Variants in CAMTA1 observed in about 807,000 individuals in gnomAD.
CAMTA1 encodes the protein calmodulin-binding transcription activator 1.
In CAMTA1, 27 loss-of-function variants were observed where a neutral mutation model predicts 170.9. That is an observed-to-expected ratio of 0.16 (90% CI 0.12 to 0.22). The LOEUF is 0.22. Among genes scored for constraint, CAMTA1 ranks in the 10% least tolerant of loss-of-function variants. CAMTA1 has a pLI of 1.00. For synonymous variants in CAMTA1, 833 were observed against 891.5 expected (o/e 0.93, Z 1.17); for missense variants, 1,619 against 2,217.2 (o/e 0.73, Z 5.42).
At chr1:7,139,994 A>G (rs1645800984) in intron 4 of CAMTA1, among the ~76,000 whole-genome samples, 1 of 152,214 alleles carries the variant, frequency 6.6e-6, no homozygotes, top group Non-Finnish European at 1.5e-5. Flanking sequence ...CTGTGCCTAA[A>G]TGCTTTATGT....
chr1:7,576,384 C>T (rs982029294), intron 6 of CAMTA1, among the ~76,000 whole-genome samples: 1 of 152,166 alleles, frequency 6.6e-6, no homozygotes, highest in African/African-American at 2.4e-5. Flanking sequence ...ATCCTAGCCC[C>T]CACAGTGATG....
intron 3 of CAMTA1, among the ~76,000 whole-genome samples, chr1:7,076,021 A>T (rs1229251582): frequency 6.6e-6 from 1 of 152,154 alleles, no homozygotes; most frequent in East Asian, 1.9e-4. Context: ...TCATAAGCTT[A>T]TTGGAGAGAA....
chr1:7,124,696 A>G (rs1644832952), intron 4 of CAMTA1, among the ~76,000 whole-genome samples: 1 of 152,222 alleles, frequency 6.6e-6, no homozygotes, highest in Non-Finnish European at 1.5e-5. Flanking sequence ...GTTTAGGGTC[A>G]TGGGTCTCGT....
chr1:6,792,486 T>TA (rs1444742874), intron 1 of CAMTA1, among the ~76,000 whole-genome samples: 2 of 152,028 alleles, frequency 1.3e-5, no homozygotes, highest in African/African-American at 2.4e-5. Flanking sequence ...TTTTTTTTTT[T>TA]ACCTCATTAC....
chr1:7,753,004 C>CAA (rs2096908161), intron 21 of CAMTA1, among the ~76,000 whole-genome samples: 1 of 152,228 alleles, frequency 6.6e-6, no homozygotes, highest in African/African-American at 2.4e-5. Flanking sequence ...CTGGTGCCCT[C>CAA]TGCTGGTCAT....
At chr1:7,501,889 G>A (rs2094011377) in intron 6 of CAMTA1, among the ~76,000 whole-genome samples, 1 of 152,148 alleles carries the variant, frequency 6.6e-6, no homozygotes, top group Non-Finnish European at 1.5e-5. Context: ...GGGCTCACAT[G>A]TGCAGTGGGT....
chr1:7,501,264 G>A (rs563373610), intron 6 of CAMTA1, among the ~76,000 whole-genome samples: 4 of 152,290 alleles, frequency 2.6e-5, no homozygotes, highest in South Asian at 2.1e-4. Flanking sequence ...ACAGAAGGGC[G>A]GGAGGCAGAT....
chr1:6,906,974 C>T (rs1678646137), intron 3 of CAMTA1, among the ~76,000 whole-genome samples: 2 of 152,224 alleles, frequency 1.3e-5, no homozygotes, highest in East Asian at 1.9e-4. Context: ...CTCCCATCCC[C>T]CGCGTCCCAG....
At chr1:6,862,252 C>T (rs976619582) in intron 3 of CAMTA1, among the ~76,000 whole-genome samples, 4 of 152,224 alleles carry the variant, frequency 2.6e-5, no homozygotes, top group East Asian at 1.9e-4. Flanking sequence ...GGATTGCAGG[C>T]GTGAGCCACC....
chr1:7,252,128 T>C (rs143861264), intron 5 of CAMTA1, among the ~76,000 whole-genome samples: 42 of 152,320 alleles, frequency 2.8e-4, no homozygotes, highest in African/African-American at 8.9e-4. Flanking sequence ...TTTGGGCACA[T>C]AGGCAACCTG....
Position 7,663,428 on chromosome 1 carries a change from C to G in CAMTA1, c.881C>G (p.Thr294Arg), listed in dbSNP as rs1371675074. 6.4e-7 allele frequency: 1 copy of G among 1,568,628 alleles called. No individual in the cohort carries two copies. Among genetic ancestry groups the G allele is most frequent in the Non-Finnish European group, 8.7e-7 (1 of 1,152,322 alleles). ...ATCTCGCCCAAGGTGGAGCCACGGA[C>G]AGGGGGGTACGGGAGCCACTCGGAG... is the stretch of plus-strand genomic sequence containing the variant. ...RIISPKVEPR[T>R]GGYGSHSEVQ... Residue 294 changes from threonine (T) to arginine (R), a missense_variant, in exon 9 of 23, where the codon ACA (threonine) becomes AGA (arginine). By Grantham distance (71) the Thr-to-Arg change is moderately conservative (BLOSUM62 -1). This residue lies in a region of CAMTA1 where 731 missense variants were observed against 907.6 expected (regional missense o/e 0.81). Coordinates refer to ENST00000303635, the MANE Select transcript of CAMTA1 (RefSeq NM_015215.4).
At chr1:7,228,660 G>A (rs1276719667) in intron 4 of CAMTA1, among the ~76,000 whole-genome samples, 1 of 152,214 alleles carries the variant, frequency 6.6e-6, no homozygotes, top group Non-Finnish European at 1.5e-5. Context: ...GCACCTACAG[G>A]GGCCTCGGAC....
chr1:6,924,419 G>A (rs1461099055), intron 3 of CAMTA1, among the ~76,000 whole-genome samples: 1 of 152,120 alleles, frequency 6.6e-6, no homozygotes, highest in Admixed American at 6.5e-5. Context: ...GGGTCCTGGA[G>A]TCAGTGGTGC....
chr1:6,886,950 A>G (rs1673411553), intron 3 of CAMTA1, among the ~76,000 whole-genome samples: 1 of 152,232 alleles, frequency 6.6e-6, no homozygotes, highest in South Asian at 2.1e-4. Context: ...AAACCAGAGT[A>G]TCCCTTTGAA....
At chr1:7,143,779 T>C (rs895458459) in intron 4 of CAMTA1, among the ~76,000 whole-genome samples, 1 of 152,238 alleles carries the variant, frequency 6.6e-6, no homozygotes, top group African/African-American at 2.4e-5. Flanking sequence ...TCAGATAAAG[T>C]AGTTAAATGT....
chr1:7,276,303 A>ATAATTTTTTTTTTTTTTT, intron 5 of CAMTA1, among the ~76,000 whole-genome samples: 4 of 24,232 alleles, frequency 1.7e-4, no homozygotes, highest in African/African-American at 1.2e-3. Context: ...ATATATATAT[A>ATAATTTTTTTTTTTTTTT]TTTTTTTTTT....
chr1:7,611,007 C>T (rs764044740), intron 6 of CAMTA1, among the ~76,000 whole-genome samples: 4 of 152,216 alleles, frequency 2.6e-5, no homozygotes, highest in Non-Finnish European at 5.9e-5. Flanking sequence ...CCTAGCTCTG[C>T]CCTTTGCAAC....
Position 7,737,326 on chromosome 1 carries a change from G to C in CAMTA1, c.3414G>C (p.Ser1138=), listed in dbSNP as rs756637047. Residue 1138 remains serine (S), a synonymous_variant, in exon 15 of 23, where the codon TCG becomes TCC. Transcript: ENST00000303635. ...VLYKWDRRAI[S]IPDSLGRLPL... ...ACAAGTGGGACCGTCGGGCCATCTC[G>C]ATTCCCGACTCTCTAGGAAGGCTGC... 6.2e-7 allele frequency: 1 copy of C among 1,614,178 alleles called. No individual in the cohort carries two copies. The highest frequency in any genetic ancestry group is 1.3e-5 in the African/African-American group (1 of 75,056).
intron 3 of CAMTA1, among the ~76,000 whole-genome samples, chr1:7,047,808 G>A (rs1299503931): frequency 6.6e-6 from 1 of 151,620 alleles, no homozygotes; most frequent in Non-Finnish European, 1.5e-5. Context: ...TGATGGTGGT[G>A]GAGCGTCATC....
Sources: gnomAD v4.1 joint callset for allele counts (sites outside exome capture counted in the v4.1 genomes callset) on GRCh38, gnomAD v4.1.1 for gene constraint, gnomAD v4.1.1 regional missense constraint, MANE v1.5 for transcripts, NCBI Gene and HGNC (gene_info 2026-07-23, HGNC 2026-07-21) for gene names.